Variants in VASH1 observed in about 807,000 individuals in gnomAD.
The protein encoded by VASH1 is vasohibin 1, also known as tubulinyl-Tyr carboxypeptidase 1.
A neutral mutation model predicts 35.0 loss-of-function variants in VASH1; 16 were observed. The observed-to-expected ratio is 0.46, with a 90% CI of 0.31 to 0.70. The LOEUF is 0.70. Among genes scored for constraint, VASH1 ranks in the 30% least tolerant of loss-of-function variants. The pLI is 0.05. For synonymous variants in VASH1, 214 were observed against 200.9 expected, an observed-to-expected ratio of 1.07 and a Z score of -0.55; for missense variants, 505 against 510.7, an observed-to-expected ratio of 0.99 and a Z score of 0.11.
intron 3 of VASH1, 35 bp from the exon 4 acceptor site, chr14:76,773,102 C>A (rs758829468): frequency 1.2e-6 from 2 of 1,607,056 alleles, no homozygotes; most frequent in South Asian, 1.1e-5. Context: ...GGGCTGGAGG[C>A]GCTGTCCTTA....
intron 1 of VASH1, chr14:76,769,240 G>A (rs567287055): frequency 4.0e-4 from 499 of 1,254,926 alleles, no homozygotes; most frequent in Middle Eastern, 1.6e-3. Flanking sequence ...TGGAAAGTGC[G>A]TTCTGGGGAG....
chr14:76,778,958 CAAG>C lies in VASH1; in HGVS notation c.1043_1045del (p.Lys348del), dbSNP rs780375125. 1.7e-4 allele frequency: 280 copies of C among 1,614,204 alleles called. 3 individuals carry two copies. In the South Asian group the frequency reaches 2.5e-3, roughly 15 times the overall value. Reference sequence around the variant, plus strand: ...CTTCCTCCCACAGGCCCTCGGGTGACAAGAAGACTTCCGAGCCCAAAGCCATGC... The same window carrying C: ...CTTCCTCCCACAGGCCCTCGGGTGACAAGACTTCCGAGCCCAAAGCCATGC... On this transcript the variant is annotated inframe_deletion, in exon 7 of 7. Coordinates refer to ENST00000167106, the MANE Select transcript of VASH1 (RefSeq NM_014909.5).
chr14:76,778,422 C>G (rs1156956027), intron 6 of VASH1, among the ~76,000 whole-genome samples: 2 of 152,188 alleles, frequency 1.3e-5, no homozygotes, highest in African/African-American at 4.8e-5. Context: ...CTTTGCCCCC[C>G]ACCCAAGAGT....
intron 2 of VASH1, 67 bp downstream of exon 2, chr14:76,770,118 A>G (rs1315935960): frequency 6.8e-7 from 1 of 1,473,206 alleles, no homozygotes; most frequent in African/African-American, 1.4e-5. Context: ...TTCCAGGCAG[A>G]GCTGGAGAGG....
intron 1 of VASH1, among the ~76,000 whole-genome samples, chr14:76,768,642 G>T (rs79501688): frequency 2.7e-3 from 415 of 152,286 alleles, no homozygotes; most frequent in Admixed American, 6.1e-3. Flanking sequence ...CAGCCACTGC[G>T]GTCACATTAT....
chr14:76,779,475 G>T lies in VASH1; in HGVS notation c.*457G>T, dbSNP rs893643681. 4.3e-6 allele frequency: 3 copies of T among 701,974 alleles called. No homozygotes were observed. The African/African-American group carries it at 5.2e-5, about 12-fold the overall frequency. The allele number at this position is 701,974 out of a possible 1,614,324, so 43.5% of individuals were successfully genotyped here. A position where few individuals can be genotyped will look rare whatever the true frequency, so the allele number is the denominator to read the frequency against. On this transcript the variant is annotated 3_prime_UTR_variant, in exon 7 of 7. Transcript: ENST00000167106. Reference sequence around the variant, plus strand: ...TGGGGGGTGGGGGTGGGGTGGAGATGTTTCTCCAGTTCTGCCTGCCCTGGC... The same window carrying T: ...TGGGGGGTGGGGGTGGGGTGGAGATTTTTCTCCAGTTCTGCCTGCCCTGGC...
intron 1 of VASH1, among the ~76,000 whole-genome samples, chr14:76,767,311 C>T (rs1893670559): frequency 6.6e-6 from 1 of 151,862 alleles, no homozygotes; most frequent in Non-Finnish European, 1.5e-5. Flanking sequence ...AATGGCAGAG[C>T]TGAATATCCA....
chr14:76,771,570 T>C (rs1893795044), intron 3 of VASH1, among the ~76,000 whole-genome samples: 1 of 152,210 alleles, frequency 6.6e-6, no homozygotes, highest in South Asian at 2.1e-4. Flanking sequence ...TCAGATCTTT[T>C]GTTTTTTAGT....
At chr14:76,768,676 C>T (rs1333173062) in intron 1 of VASH1, among the ~76,000 whole-genome samples, 2 of 152,084 alleles carry the variant, frequency 1.3e-5, no homozygotes, top group Non-Finnish European at 2.9e-5. Flanking sequence ...CTGGCATCTC[C>T]ACCACTCGAG....
chr14:76,778,875 G>GC, intron 6 of VASH1, 71 bp from the exon 7 acceptor site: 7 of 1,497,510 alleles, frequency 4.7e-6, no homozygotes, highest in Non-Finnish European at 6.5e-6. Context: ...GGCAGCCGCT[G>GC]CTGGCTCCCC....
At chr14:76,769,607 TA>T (rs1893736915) in intron 1 of VASH1, 1 of 580,866 alleles carries the variant, frequency 1.7e-6, no homozygotes, top group South Asian at 1.8e-5. Context: ...AAACCTAAAA[TA>T]ACCCCAATAT....
rs1349261488 is a variant in VASH1, at chr14:76,782,766, T to C, written c.*3748T>C. ...GGTCCTCCGGAGTCCCAAGTTTCCTTTTCATCAAATCTGACAAGAGAGAAG... is the reference window on the plus strand; with the variant it reads ...GGTCCTCCGGAGTCCCAAGTTTCCTCTTCATCAAATCTGACAAGAGAGAAG... On this transcript the variant is annotated 3_prime_UTR_variant, in exon 7 of 7. Coordinates refer to ENST00000167106, the MANE Select transcript of VASH1 (RefSeq NM_014909.5). The C allele has an allele frequency of 6.6e-6, 1 of 152,662 alleles. No homozygotes were observed. Among genetic ancestry groups the C allele is most frequent in the Admixed American group, 6.5e-5 (1 of 15,284 alleles). The allele number at this position is 152,662 out of a possible 1,614,324, so 9.5% of individuals were successfully genotyped here.
chr14:76,762,580 G>A lies in VASH1; in HGVS notation c.-242G>A, dbSNP rs1372974036. The A allele has an allele frequency of 1.0e-5, 4 of 383,394 alleles. No homozygotes were observed. Among genetic ancestry groups the A allele is most frequent in the Non-Finnish European group, 1.9e-5 (4 of 210,372 alleles). The allele number at this position is 383,394 out of a possible 1,614,324, so 23.7% of individuals were successfully genotyped here. A position where few individuals can be genotyped will look rare whatever the true frequency, so the allele number is the denominator to read the frequency against. On this transcript the variant is annotated 5_prime_UTR_variant, in exon 1 of 7. Transcript: ENST00000167106. ...AGTTGGGGTGTGTTCTCTTTATTCC[G>A]TTTTTCAAACAGAACAAGGCCTCCA... is the stretch of plus-strand genomic sequence containing the variant.
rs1595282082 is a variant in VASH1 at position 76,779,826 on chromosome 14, T to C, written c.*808T>C. 2.3e-6 allele frequency: 1 copy of C among 429,084 alleles called. No homozygotes were observed. The highest frequency in any genetic ancestry group is 4.1e-6 in the Non-Finnish European group (1 of 242,526). 26.6% of individuals were successfully genotyped at this position (429,084 alleles called of 1,614,324 possible). A position where few individuals can be genotyped will look rare whatever the true frequency, so the allele number is the denominator to read the frequency against. ...TCTGGGCTTGGCGGAGGACCCAGAA[T>C]GGCACTGAGGCCAGCATGGCTGTGG... On this transcript the variant is annotated 3_prime_UTR_variant, in exon 7 of 7. Coordinates refer to ENST00000167106, the MANE Select transcript of VASH1 (RefSeq NM_014909.5).
intron 6 of VASH1, 48 bp from the exon 7 acceptor site, chr14:76,778,898 C>T (rs372778093): frequency 1.3e-6 from 2 of 1,594,520 alleles, no homozygotes. Flanking sequence ...CTCCATCTCC[C>T]TAACAGACCA....
At chr14:76,764,219 A>G (rs1366115830) in intron 1 of VASH1, among the ~76,000 whole-genome samples, 1 of 152,240 alleles carries the variant, frequency 6.6e-6, no homozygotes. Context: ...AGTTATTGGT[A>G]CAGCCATCAG....
chr14:76,769,301 C>T, intron 1 of VASH1: 1 of 1,288,340 alleles, frequency 7.8e-7, no homozygotes, highest in African/African-American at 1.5e-5. Flanking sequence ...GTGGAGCTGG[C>T]AGGAAAGAGA....
In VASH1 at chr14:76,770,503, G is replaced by A. The variant is rs189502214; in HGVS notation, c.398+452G>A. Among the ~76,000 whole-genome samples the A allele has an allele frequency of 4.7e-3, 710 of 152,346 alleles. 2 individuals are homozygous for A. The highest frequency in any genetic ancestry group is 0.016 in the African/African-American group (680 of 41,576). On this transcript the variant is annotated intron_variant, in intron 2 of 6. Transcript: ENST00000167106. ...TTTTCTGCTCCAGGAGGTAACTTCA[G>A]GATCCTAGAATTTTCTCCAGTTCTT...
rs1255944288 is a variant in VASH1, at chr14:76,779,927, G to A, written c.*909G>A. On this transcript the variant is annotated 3_prime_UTR_variant, in exon 7 of 7. Coordinates refer to ENST00000167106, the MANE Select transcript of VASH1 (RefSeq NM_014909.5). ...GTGATGGGGCGGGATGCTTGGGCCT[G>A]GGTCTCTCCGCCAGCAGTGCCAGGA... 3.2e-5 allele frequency: 7 copies of A among 216,744 alleles called. No individual in the cohort carries two copies. The East Asian group carries it at 6.1e-4, about 19-fold the overall frequency. The allele number at this position is 216,744 out of a possible 1,614,324, so 13.4% of individuals were successfully genotyped here.
Sources: gnomAD v4.1 joint callset for allele counts (sites outside exome capture counted in the v4.1 genomes callset) on GRCh38, gnomAD v4.1.1 for gene constraint, MANE v1.5 for transcripts, NCBI Gene and HGNC (gene_info 2026-07-23, HGNC 2026-07-21) for gene names.